The following CPLX2 variants were observed in gnomAD, a reference collection of about 807,000 sequenced individuals.
CPLX2 encodes the protein complexin 2, also known as complexin-2.
Under a neutral mutation model 16.3 loss-of-function variants are expected in CPLX2, and 5 were observed. The observed-to-expected ratio is 0.31, with a 90% CI of 0.16 to 0.64. CPLX2 has a LOEUF of 0.64. Among genes scored for constraint, CPLX2 ranks in the 30% least tolerant of loss-of-function variants. The pLI is 0.79. For synonymous variants in CPLX2, 89 were observed against 73.2 expected (o/e 1.22, Z -1.10); for missense variants, 144 against 181.4 (o/e 0.79, Z 1.18).
intron 2 of CPLX2, among the ~76,000 whole-genome samples, chr5:175,817,643 G>A (rs925068333): frequency 1.3e-5 from 2 of 152,178 alleles, no homozygotes; most frequent in African/African-American, 4.8e-5. Context: ...AGGGTCTGAT[G>A]TCCCTAGGGA....
intron 2 of CPLX2, among the ~76,000 whole-genome samples, chr5:175,858,928 T>C (rs878850): frequency 0.52 from 78,573 of 152,086 alleles, 23,613 homozygotes; most frequent in East Asian, 0.83. Context: ...AACAAGATAG[T>C]CCGAAGGATC....
intron 2 of CPLX2, among the ~76,000 whole-genome samples, chr5:175,844,975 G>GCT (rs1197708046): frequency 2.6e-5 from 4 of 152,176 alleles, no homozygotes; most frequent in Non-Finnish European, 5.9e-5. Flanking sequence ...CAGAACAGAG[G>GCT]CTCTGTGAGC....
At chr5:175,808,735 G>A (rs950173583) in intron 1 of CPLX2, among the ~76,000 whole-genome samples, 5 of 152,200 alleles carry the variant, frequency 3.3e-5, no homozygotes, top group African/African-American at 1.2e-4. Flanking sequence ...ACGGTCAATG[G>A]TACAGTGCTA....
intron 2 of CPLX2, among the ~76,000 whole-genome samples, chr5:175,854,724 G>C (rs1249923832): frequency 6.6e-6 from 1 of 152,178 alleles, no homozygotes; most frequent in African/African-American, 2.4e-5. Flanking sequence ...AACATCCCAA[G>C]ATCACAGCAG....
At chr5:175,860,788 C>T in intron 2 of CPLX2, among the ~76,000 whole-genome samples, 1 of 152,138 alleles carries the variant, frequency 6.6e-6, no homozygotes, top group East Asian at 1.9e-4. Flanking sequence ...AATGCCCACC[C>T]ATGGCAGTAG....
At position 175,871,650 on chromosome 5, in the gene CPLX2, C is replaced by T. The variant is rs962167234; in HGVS notation, c.-144C>T. 1.3e-5 allele frequency: 2 copies of T among 152,166 alleles called. No homozygotes were observed. The highest frequency in any genetic ancestry group is 1.3e-4 in the Admixed American group (2 of 15,280). The allele number at this position is 152,166 out of a possible 1,614,324, so 9.4% of individuals were successfully genotyped here. On this transcript the variant is annotated 5_prime_UTR_variant, in exon 1 of 4. Coordinates refer to ENST00000393745, the MANE Select transcript of CPLX2 (RefSeq NM_001008220.2). ...GAGCTGGAATAGCAGAAGGAACCAC[C>T]TCGTGGAGTCGGGCCGGAGCCCTGC... is the stretch of plus-strand genomic sequence containing the variant.
chr5:175,854,636 G>A (rs767611587), intron 2 of CPLX2, among the ~76,000 whole-genome samples: 12 of 152,094 alleles, frequency 7.9e-5, no homozygotes, highest in Non-Finnish European at 1.5e-4. Context: ...AAGGCATGCG[G>A]GGTCAGAGAC....
At chr5:175,804,449 C>T (rs936673512) in intron 1 of CPLX2, among the ~76,000 whole-genome samples, 11 of 152,120 alleles carry the variant, frequency 7.2e-5, no homozygotes, top group Non-Finnish European at 1.5e-4. Flanking sequence ...AGGATCAGAC[C>T]CACCCCTTGT....
chr5:175,862,394 C>T lies in CPLX2; in HGVS notation c.-88-16258C>T, dbSNP rs1165708772. On this transcript the variant is annotated intron_variant, in intron 2 of 4. Coordinates refer to the CPLX2 transcript ENST00000359546. ...TTCCCAAATTAGATTTTTTTTAATG[C>T]TCTAGCTGTGCCATGATGGTCAAAG... Among the ~76,000 whole-genome samples the T allele has an allele frequency of 2.6e-5, 4 of 152,240 alleles. No homozygotes were observed. In the East Asian group the frequency reaches 5.8e-4, roughly 22 times the overall value.
rs73803061 is a variant in CPLX2, at chr5:175,837,245, G to A, written c.-89+28177G>A. 8.0e-3 allele frequency among the ~76,000 whole-genome samples: 1,217 copies of A among 152,270 alleles called. 13 individuals carry two copies. Among genetic ancestry groups the A allele is most frequent in the African/African-American group, 0.028 (1,170 of 41,540 alleles). ...TCACTTAGCTCTGAAGAAAGGCCTC[G>A]GGGCAACCCCACGGGGCGTCTCTGC... is the stretch of plus-strand genomic sequence containing the variant. On this transcript the variant is annotated intron_variant, in intron 2 of 4. Coordinates refer to the CPLX2 transcript ENST00000359546.
intron 2 of CPLX2, among the ~76,000 whole-genome samples, chr5:175,823,369 G>C (rs1356185951): frequency 6.6e-6 from 1 of 152,082 alleles, no homozygotes; most frequent in East Asian, 1.9e-4. Context: ...GATAGATGAG[G>C]GTAGGTGAAT....
chr5:175,812,563 G>A (rs1393923892), intron 2 of CPLX2, among the ~76,000 whole-genome samples: 1 of 152,180 alleles, frequency 6.6e-6, no homozygotes, highest in African/African-American at 2.4e-5. Context: ...AAGATTTCAA[G>A]GTGGCCAAGG....
chr5:175,806,807 A>G (rs557311827), intron 1 of CPLX2, among the ~76,000 whole-genome samples: 1 of 152,084 alleles, frequency 6.6e-6, no homozygotes, highest in South Asian at 2.1e-4. Flanking sequence ...CTCAGCTATG[A>G]AGTTTTTATG....
In CPLX2 at chr5:175,830,118, A is replaced by T. The variant is rs1041250681; in HGVS notation, c.-89+21050A>T. Among the ~76,000 whole-genome samples, 2 of 152,148 alleles carry T rather than the reference A, an allele frequency of 1.3e-5. No homozygotes were observed. The highest frequency in any genetic ancestry group is 4.8e-5 in the African/African-American group (2 of 41,444). The stretch of plus-strand genomic sequence containing the variant: ...AAACAGAACTGTGTGGTGCCAGGTG[A>T]TCCAGAAGAGAAGCAGTGAGAGCTG... On this transcript the variant is annotated intron_variant, in intron 2 of 4. Coordinates refer to the CPLX2 transcript ENST00000359546. The surrounding 1 kb of genome is among the most constrained non-coding windows in gnomAD (Gnocchi z 4.0).
At chr5:175,817,039 C>T (rs1438692700) in intron 2 of CPLX2, among the ~76,000 whole-genome samples, 1 of 152,254 alleles carries the variant, frequency 6.6e-6, no homozygotes, top group African/African-American at 2.4e-5. Context: ...GACGCCAGTG[C>T]ACTCGGGGAT....
intron 1 of CPLX2, among the ~76,000 whole-genome samples, chr5:175,796,946 TC>T (rs1448868593): frequency 6.6e-6 from 1 of 152,084 alleles, no homozygotes; most frequent in Non-Finnish European, 1.5e-5. Context: ...CGGCGGCTCT[TC>T]CGGGGCGAGG....
intron 2 of CPLX2, among the ~76,000 whole-genome samples, chr5:175,855,616 C>T (rs1263057937): frequency 2.6e-5 from 4 of 152,166 alleles, no homozygotes; most frequent in South Asian, 2.1e-4. Context: ...CTTTCCTTTG[C>T]GGCAGGCTCT....
chr5:175,839,748 A>ACAC (rs1758914208), intron 2 of CPLX2, among the ~76,000 whole-genome samples: 1 of 152,262 alleles, frequency 6.6e-6, no homozygotes, highest in Non-Finnish European at 1.5e-5. Context: ...AATGGCAAGT[A>ACAC]CACTATTAAA....
intron 2 of CPLX2, among the ~76,000 whole-genome samples, chr5:175,842,890 G>A (rs1021943234): frequency 3.3e-5 from 5 of 152,178 alleles, no homozygotes; most frequent in African/African-American, 4.8e-5. Flanking sequence ...GGTGAGGGCC[G>A]GCACCCATGC....
Sources: gnomAD v4.1 joint callset for allele counts (sites outside exome capture counted in the v4.1 genomes callset) on GRCh38, gnomAD v4.1.1 for gene constraint, Gnocchi (gnomAD v3.1) non-coding constraint, MANE v1.5 for transcripts, NCBI Gene and HGNC (gene_info 2026-07-23, HGNC 2026-07-21) for gene names.